CNTNAP2: variants seen among roughly 807,000 people sequenced by gnomAD.
The protein encoded by CNTNAP2 is contactin-associated protein-like 2.
A neutral mutation model predicts 155.2 loss-of-function variants in CNTNAP2; 98 were observed. That is an observed-to-expected ratio of 0.63 (90% CI 0.54 to 0.75). The LOEUF is 0.75. CNTNAP2 is among the 30% of genes least tolerant of loss of function. The pLI is 0.00. For missense variants in CNTNAP2, 1,727 were observed against 1,688.1 expected (o/e 1.02, Z -0.40); for synonymous variants, 651 against 631.2 (o/e 1.03, Z -0.47).
chr7:147,690,233 C>T (rs550772718), intron 13 of CNTNAP2, among the ~76,000 whole-genome samples: 1 of 152,202 alleles, frequency 6.6e-6, no homozygotes, highest in South Asian at 2.1e-4. Context: ...GACTTTTTTC[C>T]CTGTCCACCA....
intron 5 of CNTNAP2, among the ~76,000 whole-genome samples, chr7:147,116,239 G>A (rs2129281575): frequency 6.6e-6 from 1 of 152,332 alleles, no homozygotes; most frequent in Middle Eastern, 3.4e-3. Context: ...GCTGGCCCAA[G>A]TGTGCCTGGA....
intron 1 of CNTNAP2, among the ~76,000 whole-genome samples, chr7:146,629,031 G>A (rs1361303793): frequency 1.3e-5 from 2 of 152,110 alleles, no homozygotes; most frequent in African/African-American, 4.8e-5. Flanking sequence ...CTTTATTTAT[G>A]ATAATGGTTG....
intron 1 of CNTNAP2, among the ~76,000 whole-genome samples, chr7:146,461,485 C>T (rs1161366600): frequency 6.6e-6 from 1 of 151,828 alleles, no homozygotes; most frequent in Non-Finnish European, 1.5e-5. Context: ...TAAGAAGATA[C>T]AGTAATAACT....
At chr7:146,613,571 AAATTAATTTAT>A (rs1044176451) in intron 1 of CNTNAP2, among the ~76,000 whole-genome samples, 14 of 151,778 alleles carry the variant, frequency 9.2e-5, no homozygotes, top group African/African-American at 3.2e-4. Flanking sequence ...AAAAAAGATA[AAATTAATTTAT>A]TTTATTTAAT....
In CNTNAP2 at chr7:148,418,290, T is replaced by C. The variant is rs992416533; in HGVS notation, c.*2674T>C. On this transcript the variant is annotated 3_prime_UTR_variant, in exon 24 of 24. Coordinates refer to ENST00000361727, the MANE Select transcript of CNTNAP2 (RefSeq NM_014141.6). ...ATAGCCTAGCACAGTGCAGCCTCCA[T>C]AACCATGACATTCCCGCCCAAGCTC... 2.0e-5 allele frequency: 3 copies of C among 152,252 alleles called. No homozygotes were observed. The highest frequency in any genetic ancestry group is 2.9e-5 in the Non-Finnish European group (2 of 68,042). The allele number at this position is 152,252 out of a possible 1,614,324, so 9.4% of individuals were successfully genotyped here. A position where few individuals can be genotyped will look rare whatever the true frequency, so the allele number is the denominator to read the frequency against.
chr7:148,314,770 A>G (rs1303044054), intron 21 of CNTNAP2, among the ~76,000 whole-genome samples: 2 of 152,230 alleles, frequency 1.3e-5, no homozygotes, highest in African/African-American at 4.8e-5. Context: ...GTGAAGGACC[A>G]AGGCAGGCGT....
intron 8 of CNTNAP2, among the ~76,000 whole-genome samples, chr7:147,213,894 G>A (rs1803208801): frequency 6.6e-6 from 1 of 152,032 alleles, no homozygotes; most frequent in Admixed American, 6.6e-5. Flanking sequence ...TGATGTCCCA[G>A]GACAGGAGAA....
chr7:147,356,260 A>G (rs1796060106), intron 9 of CNTNAP2, among the ~76,000 whole-genome samples: 1 of 152,178 alleles, frequency 6.6e-6, no homozygotes, highest in Non-Finnish European at 1.5e-5. Flanking sequence ...AACTCTCAAT[A>G]AAGTAGGTAT....
chr7:146,192,957 AG>A (rs1798727251), intron 1 of CNTNAP2, among the ~76,000 whole-genome samples: 1 of 152,222 alleles, frequency 6.6e-6, no homozygotes, highest in Admixed American at 6.5e-5. Flanking sequence ...GCCAAAAGGA[AG>A]GGGCTACATG....
At chr7:147,210,300 G>A (rs778620069) in intron 8 of CNTNAP2, among the ~76,000 whole-genome samples, 6 of 151,890 alleles carry the variant, frequency 4.0e-5, no homozygotes, top group South Asian at 4.2e-4. Flanking sequence ...AAGGGTTTCA[G>A]TTCCTTCCTA....
chr7:147,300,248 A>T lies in CNTNAP2; in HGVS notation c.1456A>T (p.Ser486Cys), dbSNP rs1393355051. ...TGAAGCATCAGCAGTTCGAACTAATAGTCCCCTTCAAGTTAAAACTGGCGA... is the reference window on the plus strand; with the variant it reads ...TGAAGCATCAGCAGTTCGAACTAATTGTCCCCTTCAAGTTAAAACTGGCGA... ...GDEASAVRTN[S>C]PLQVKTGEKY... is the part of the protein sequence containing the mutation. Residue 486 changes from serine (S) to cysteine (C), a missense_variant, in exon 9 of 24, where the codon AGT becomes TGT. Coordinates refer to ENST00000361727, the MANE Select transcript of CNTNAP2 (RefSeq NM_014141.6). 1 of 1,613,846 alleles carries T rather than the reference A, an allele frequency of 6.2e-7. No homozygotes were observed. Among genetic ancestry groups the T allele is most frequent in the African/African-American group, 1.3e-5 (1 of 74,906 alleles).
chr7:146,717,538 G>T (rs1168365748), intron 1 of CNTNAP2, among the ~76,000 whole-genome samples: 1 of 151,884 alleles, frequency 6.6e-6, no homozygotes, highest in African/African-American at 2.4e-5. Context: ...TGTAAAAGAA[G>T]CATCTGACAA....
chr7:147,816,421 G>A (rs1798267384), intron 13 of CNTNAP2, among the ~76,000 whole-genome samples: 1 of 150,328 alleles, frequency 6.7e-6, no homozygotes, highest in Non-Finnish European at 1.5e-5. Flanking sequence ...ATTTTTTCAT[G>A]TATTCTGATA....
intron 3 of CNTNAP2, among the ~76,000 whole-genome samples, chr7:146,948,540 G>A (rs1797240234): frequency 6.6e-6 from 1 of 152,008 alleles, no homozygotes. Flanking sequence ...GCCTAATCAG[G>A]AGTTTGAACT....
intron 9 of CNTNAP2, chr7:147,378,050 T>G (rs1380895949): frequency 2.1e-6 from 1 of 467,610 alleles, no homozygotes; most frequent in African/African-American, 2.0e-5. Flanking sequence ...CAAAAGTAAT[T>G]ACAGTTTTTG....
intron 3 of CNTNAP2, among the ~76,000 whole-genome samples, chr7:146,969,054 T>A (rs1283936766): frequency 2.7e-5 from 4 of 150,648 alleles, no homozygotes; most frequent in Admixed American, 1.3e-4. Context: ...ATTTCTGCCT[T>A]CATTTCGTTA....
rs1024308433 is a variant in CNTNAP2, at chr7:147,369,229, G to A, written c.1499-26380G>A. ...GATTTAGTTTATTCCTTCTTCTTTT[G>A]TGACTCTTTATTTCCAGCATCGTAT... On this transcript the variant is annotated intron_variant, in intron 9 of 23. Coordinates refer to ENST00000361727, the MANE Select transcript of CNTNAP2 (RefSeq NM_014141.6). Among the ~76,000 whole-genome samples the A allele has an allele frequency of 2.6e-5, 4 of 152,168 alleles. No individual in the cohort carries two copies. In the East Asian group the frequency reaches 7.7e-4, roughly 29 times the overall value.
intron 1 of CNTNAP2, among the ~76,000 whole-genome samples, chr7:146,402,264 G>A (rs991740389): frequency 7.9e-5 from 12 of 152,206 alleles, no homozygotes; most frequent in Non-Finnish European, 1.8e-4. Context: ...ATCAACGTGT[G>A]AATTCTTAAC....
chr7:146,131,070 A>C (rs538757649), intron 1 of CNTNAP2, among the ~76,000 whole-genome samples: 97 of 152,296 alleles, frequency 6.4e-4, no homozygotes, highest in Admixed American at 6.3e-3. Context: ...AAAACGAATA[A>C]TATTGTTTCC....
Sources: gnomAD v4.1 joint callset for allele counts (sites outside exome capture counted in the v4.1 genomes callset) on GRCh38, gnomAD v4.1.1 for gene constraint, MANE v1.5 for transcripts, NCBI Gene and HGNC (gene_info 2026-07-23, HGNC 2026-07-21) for gene names.